TLK1: variants seen among roughly 807,000 people sequenced by gnomAD.
TLK1 encodes tousled like kinase 1, also known as serine/threonine-protein kinase tousled-like 1.
Under a neutral mutation model 105.3 loss-of-function variants are expected in TLK1, and 24 were observed. The observed-to-expected ratio is 0.23, with a 90% CI of 0.17 to 0.32. The LOEUF is 0.32. Among genes scored for constraint, TLK1 ranks in the 10% least tolerant of loss-of-function variants. The pLI is 1.00. For synonymous variants in TLK1, 321 were observed against 310.4 expected (o/e 1.03, Z -0.36); for missense variants, 558 against 910.5 (o/e 0.61, Z 4.98).
chr2:171,144,466 CA>C (rs1416594778), intron 1 of TLK1, among the ~76,000 whole-genome samples: 1 of 152,004 alleles, frequency 6.6e-6, no homozygotes, highest in Non-Finnish European at 1.5e-5. Context: ...AAAAAGGATA[CA>C]AAGTACGTTC....
Position 171,075,519 on chromosome 2 carries a change from T to C in TLK1, c.330+7262A>G, listed in dbSNP as rs1241426336. ...TGAAAGATGAATATTAAGGATTAAA[T>C]TGAGAAAAACAGAATAATTTGATAT... is the stretch of plus-strand genomic sequence containing the variant. On this transcript the variant is annotated intron_variant, in intron 3 of 20. Coordinates refer to ENST00000431350, the MANE Select transcript of TLK1 (RefSeq NM_012290.5). Among the ~76,000 whole-genome samples, 4 of 152,288 alleles carry C rather than the reference T, an allele frequency of 2.6e-5. No individual in the cohort carries two copies. The East Asian group carries it at 7.7e-4, about 29-fold the overall frequency.
intron 1 of TLK1, among the ~76,000 whole-genome samples, chr2:171,184,637 C>T (rs1242122727): frequency 7.1e-6 from 1 of 140,022 alleles, no homozygotes; most frequent in African/African-American, 2.7e-5. Context: ...AGCAAAACTC[C>T]GTCTCAAAAA....
At chr2:171,152,851 T>C (rs1317404138) in intron 1 of TLK1, among the ~76,000 whole-genome samples, 2 of 152,154 alleles carry the variant, frequency 1.3e-5, no homozygotes, top group Admixed American at 6.5e-5. Context: ...TTATCTAACA[T>C]GGAAATAAAA....
chr2:171,032,992 G>A (rs1363172257), intron 11 of TLK1, among the ~76,000 whole-genome samples: 2 of 152,192 alleles, frequency 1.3e-5, no homozygotes, highest in African/African-American at 4.8e-5. Context: ...TGGATCACTT[G>A]AGGCCAGGAG....
intron 1 of TLK1, among the ~76,000 whole-genome samples, chr2:171,137,149 C>G (rs1691359190): frequency 6.6e-6 from 1 of 151,960 alleles, no homozygotes; most frequent in Admixed American, 6.5e-5. Context: ...ATGGTGAAAC[C>G]CATCTCTACA....
chr2:171,091,108 T>C (rs1243072798), intron 2 of TLK1, among the ~76,000 whole-genome samples: 1 of 152,216 alleles, frequency 6.6e-6, no homozygotes, highest in African/African-American at 2.4e-5. Context: ...CTCATTTCAT[T>C]ACATATGGTA....
intron 2 of TLK1, among the ~76,000 whole-genome samples, chr2:171,104,276 CA>C (rs200041617): frequency 1.8e-3 from 193 of 108,312 alleles, no homozygotes; most frequent in Admixed American, 2.0e-3. Flanking sequence ...GATTCTGTCT[CA>C]AAAAAAAAAA....
chr2:171,146,617 G>T (rs1691801679), intron 1 of TLK1, among the ~76,000 whole-genome samples: 1 of 152,058 alleles, frequency 6.6e-6, no homozygotes, highest in African/African-American at 2.4e-5. Flanking sequence ...AAGAAAAATT[G>T]GCTTTGGGCT....
intron 1 of TLK1, among the ~76,000 whole-genome samples, chr2:171,171,626 A>T (rs1218341398): frequency 1.3e-5 from 2 of 152,232 alleles, no homozygotes; most frequent in African/African-American, 4.8e-5. Flanking sequence ...ACCTTTAAGG[A>T]AAAGATAGAT....
At chr2:171,045,513 T>C (rs1053322048) in intron 11 of TLK1, 3 of 151,250 alleles carry the variant, frequency 2.0e-5, no homozygotes, top group Non-Finnish European at 4.4e-5. Context: ...CCGTGCCCGG[T>C]CTATGTATTT....
intron 1 of TLK1, among the ~76,000 whole-genome samples, chr2:171,175,815 C>T (rs986426421): frequency 6.6e-6 from 1 of 152,184 alleles, no homozygotes; most frequent in Admixed American, 6.5e-5. Context: ...TGGTTCTCAA[C>T]CTTGACTGCA....
chr2:171,143,100 GGAAT>G lies in TLK1; in HGVS notation c.139+17186_139+17189del, dbSNP rs372323866. 3.6e-3 allele frequency among the ~76,000 whole-genome samples: 545 copies of G among 152,188 alleles called. 6 individuals carry two copies. Among genetic ancestry groups the G allele is most frequent in the African/African-American group, 0.012 (500 of 41,508 alleles). On this transcript the variant is annotated intron_variant, in intron 1 of 20. Transcript: ENST00000431350. ...CTCAATAAATGAATGACTGAATGAA[GGAAT>G]GAATGAATGAATGCACGAATGGACA... is the stretch of plus-strand genomic sequence containing the variant.
intron 18 of TLK1, among the ~76,000 whole-genome samples, chr2:171,003,400 T>C (rs955128614): frequency 6.6e-6 from 1 of 152,046 alleles, no homozygotes; most frequent in Admixed American, 6.6e-5. Context: ...TCATTTATCT[T>C]GGAATGGTGG....
At chr2:171,198,523 T>C (rs1429425514) in intron 1 of TLK1, among the ~76,000 whole-genome samples, 3 of 152,060 alleles carry the variant, frequency 2.0e-5, no homozygotes, top group African/African-American at 7.2e-5. Context: ...AAGTAGAGGA[T>C]TGGAGTGGAT....
chr2:170,993,806 G>C lies in TLK1; in HGVS notation c.2275C>G (p.Pro759Ala), dbSNP rs367836334. 25 of 1,600,828 alleles carry C rather than the reference G, an allele frequency of 1.6e-5. No individual in the cohort carries two copies. The highest frequency in any genetic ancestry group is 2.0e-5 in the Non-Finnish European group (23 of 1,174,018). Residue 759 changes from proline (P) to alanine (A), a missense_variant, in exon 21 of 21, where the codon CCT (proline) becomes GCT (alanine). Pro to Ala is a conservative substitution (Grantham distance 27). Around this residue, in one of 5 missense-constraint regions of TLK1, gnomAD observed 27 missense variants for 22.5 expected, o/e 1.20. Transcript: ENST00000431350. ...MAGLTASPTP[P>A]SSSIITY ...CAGTAAGTAATTATGCTTGAAGAAGGGGGTGTAGGGGATGCTGTCAGCCCA... is the reference window on the plus strand; with the variant it reads ...CAGTAAGTAATTATGCTTGAAGAAGCGGGTGTAGGGGATGCTGTCAGCCCA...
intron 18 of TLK1, among the ~76,000 whole-genome samples, chr2:170,999,188 T>G (rs955085704): frequency 1.3e-5 from 2 of 152,216 alleles, no homozygotes; most frequent in African/African-American, 4.8e-5. Flanking sequence ...CTTAAAATTA[T>G]CAAAACAAAT....
At chr2:171,071,084 T>C (rs1688232355) in intron 3 of TLK1, among the ~76,000 whole-genome samples, 1 of 152,224 alleles carries the variant, frequency 6.6e-6, no homozygotes, top group African/African-American at 2.4e-5. Flanking sequence ...TTGAGAAATG[T>C]CTCTTCAAAT....
At chr2:171,052,221 T>C (rs1283106158) in intron 8 of TLK1, among the ~76,000 whole-genome samples, 1 of 152,082 alleles carries the variant, frequency 6.6e-6, no homozygotes, top group African/African-American at 2.4e-5. Flanking sequence ...GATCCCCCAC[T>C]GTGCTCTAGC....
At chr2:171,137,255 C>A (rs1019056944) in intron 1 of TLK1, among the ~76,000 whole-genome samples, 7 of 151,728 alleles carry the variant, frequency 4.6e-5, no homozygotes, top group African/African-American at 9.7e-5. Flanking sequence ...GTACTCCAGG[C>A]TGGGTGACAG....
Sources: gnomAD v4.1 joint callset for allele counts (sites outside exome capture counted in the v4.1 genomes callset) on GRCh38, gnomAD v4.1.1 for gene constraint, gnomAD v4.1.1 regional missense constraint, MANE v1.5 for transcripts, NCBI Gene and HGNC (gene_info 2026-07-23, HGNC 2026-07-21) for gene names.